Variants in DCLK1 observed in about 807,000 individuals in gnomAD.
The protein encoded by DCLK1 is serine/threonine-protein kinase DCLK1.
In DCLK1, 16 loss-of-function variants were observed where a neutral mutation model predicts 86.2. The ratio of observed to expected loss-of-function variants is 0.19; its 90% confidence interval spans 0.13 to 0.28. DCLK1 has a LOEUF of 0.28. Ranked by LOEUF, DCLK1 falls within the 10% of genes least tolerant of loss-of-function variation. The probability of loss-of-function intolerance (pLI) is 1.00; values close to 1 mark genes in which losing one functional copy is unlikely to be tolerated. For synonymous variants in DCLK1, 369 were observed against 370.5 expected (o/e 1.00, Z 0.05); for missense variants, 590 against 940.2 (o/e 0.63, Z 4.87).
At chr13:35,937,253 G>T (rs922252046) in intron 4 of DCLK1, among the ~76,000 whole-genome samples, 2 of 151,994 alleles carry the variant, frequency 1.3e-5, no homozygotes, top group Non-Finnish European at 2.9e-5. Context: ...GATTGCAGGC[G>T]TGAGCCACCG....
chr13:35,846,989 C>T (rs1318708250), intron 6 of DCLK1: 1 of 985,008 alleles, frequency 1.0e-6, no homozygotes, highest in African/African-American at 1.7e-5. Context: ...TATTTATGTT[C>T]CAACATTATA....
intron 3 of DCLK1, among the ~76,000 whole-genome samples, chr13:36,073,059 C>T (rs964296468): frequency 1.3e-5 from 2 of 152,168 alleles, no homozygotes; most frequent in African/African-American, 4.8e-5. Context: ...GTACCACTTA[C>T]AGCTACTACT....
At chr13:35,863,232 A>C (rs1871528757) in intron 5 of DCLK1, among the ~76,000 whole-genome samples, 1 of 152,238 alleles carries the variant, frequency 6.6e-6, no homozygotes, top group Non-Finnish European at 1.5e-5. Context: ...CATCCCCATC[A>C]TCAAGCAACA....
intron 9 of DCLK1, 117 bp from the exon 10 acceptor site, chr13:35,827,871 T>C (rs888081309): frequency 1.6e-5 from 20 of 1,287,086 alleles, no homozygotes; most frequent in Non-Finnish European, 2.0e-5. Context: ...TAAAATGTAA[T>C]AAGCCTGTCT....
In DCLK1 at chr13:36,131,096, G is replaced by A. The variant is rs1331288768; in HGVS notation, c.-20+18C>T. 1.3e-5 allele frequency: 2 copies of A among 150,746 alleles called. No homozygotes were observed. The highest frequency in any genetic ancestry group is 3.0e-5 in the Non-Finnish European group (2 of 67,476). The allele number at this position is 150,746 out of a possible 1,614,324, so 9.3% of individuals were successfully genotyped here. A position where few individuals can be genotyped will look rare whatever the true frequency, so the allele number is the denominator to read the frequency against. The stretch of plus-strand genomic sequence containing the variant: ...CCCTCCCCGCAGCTCCCGTCCCCAG[G>A]GAAGGCAAACCACGCACCGGTCCGC... On this transcript the variant is annotated intron_variant, in intron 1 of 16. Transcript: ENST00000360631.
Position 35,933,557 on chromosome 13 carries a change from A to C in DCLK1, c.823+13801T>G, listed in dbSNP as rs187223070. ...AAACCCCAATTCTTGACTTATGTGC[A>C]CCCGCAGGCTCAACACCATGTGGAA... On this transcript the variant is annotated intron_variant, in intron 4 of 16. Coordinates refer to ENST00000360631, the MANE Select transcript of DCLK1 (RefSeq NM_001330071.2). Among the ~76,000 whole-genome samples the C allele has an allele frequency of 6.6e-5, 10 of 152,276 alleles. No individual in the cohort carries two copies. The East Asian group carries it at 1.2e-3, about 18-fold the overall frequency.
At chr13:35,893,540 C>A (rs1009895377) in intron 4 of DCLK1, among the ~76,000 whole-genome samples, 1 of 152,138 alleles carries the variant, frequency 6.6e-6, no homozygotes, top group African/African-American at 2.4e-5. Context: ...TGACATGATG[C>A]CACAAGTGAA....
At chr13:35,907,794 C>A (rs1874768741) in intron 4 of DCLK1, among the ~76,000 whole-genome samples, 1 of 149,780 alleles carries the variant, frequency 6.7e-6, no homozygotes, top group African/African-American at 2.5e-5. Flanking sequence ...GTGAACTATC[C>A]TCAGACCCTC....
intron 3 of DCLK1, among the ~76,000 whole-genome samples, chr13:36,006,032 G>A (rs1171704927): frequency 6.6e-6 from 1 of 152,102 alleles, no homozygotes; most frequent in Non-Finnish European, 1.5e-5. Flanking sequence ...GGGGGAAAGA[G>A]GATGGAGAGC....
At chr13:35,859,253 A>G (rs1215463937) in intron 5 of DCLK1, among the ~76,000 whole-genome samples, 1 of 152,102 alleles carries the variant, frequency 6.6e-6, no homozygotes, top group Non-Finnish European at 1.5e-5. Flanking sequence ...AATCCACTAA[A>G]CTCTGAATTA....
intron 4 of DCLK1, among the ~76,000 whole-genome samples, chr13:35,911,485 G>C (rs1222220772): frequency 1.3e-5 from 2 of 152,096 alleles, no homozygotes; most frequent in Admixed American, 6.6e-5. Flanking sequence ...ATTTCTGTGA[G>C]GTTTCCTTTA....
intron 10 of DCLK1, among the ~76,000 whole-genome samples, chr13:35,825,332 C>G (rs957058366): frequency 6.6e-6 from 1 of 152,104 alleles, no homozygotes; most frequent in Non-Finnish European, 1.5e-5. Flanking sequence ...GAGATTAAAT[C>G]GAAGGGTATG....
At chr13:35,958,844 C>T (rs1878292433) in intron 3 of DCLK1, among the ~76,000 whole-genome samples, 1 of 152,174 alleles carries the variant, frequency 6.6e-6, no homozygotes. Flanking sequence ...GAGAAAGATG[C>T]TTGTTCTTCC....
intron 3 of DCLK1, among the ~76,000 whole-genome samples, chr13:36,092,356 A>T (rs1016754292): frequency 1.6e-4 from 25 of 152,192 alleles, no homozygotes; most frequent in African/African-American, 4.6e-4. Context: ...TGCTTAACAC[A>T]GTTCCTAGCA....
chr13:35,788,923 C>T (rs1439418615), intron 16 of DCLK1, among the ~76,000 whole-genome samples: 1 of 152,078 alleles, frequency 6.6e-6, no homozygotes, highest in Non-Finnish European at 1.5e-5. Flanking sequence ...TAAATTTTCT[C>T]TATGAAAATA....
chr13:35,845,903 A>G, intron 6 of DCLK1: 1 of 984,334 alleles, frequency 1.0e-6, no homozygotes, highest in Non-Finnish European at 1.2e-6. Context: ...CAACATAGGC[A>G]GTTTTTCCTG....
intron 3 of DCLK1, among the ~76,000 whole-genome samples, chr13:35,995,087 C>T (rs999006434): frequency 6.6e-6 from 1 of 152,190 alleles, no homozygotes; most frequent in African/African-American, 2.4e-5. Context: ...AAATTTTTGT[C>T]TAAGTGTTCT....
At chr13:36,079,589 G>A (rs1049908321) in intron 3 of DCLK1, among the ~76,000 whole-genome samples, 2 of 152,044 alleles carry the variant, frequency 1.3e-5, no homozygotes, top group Non-Finnish European at 2.9e-5. Flanking sequence ...CCAAGTTCGC[G>A]CCATTGCACT....
chr13:35,788,811 ATCTTT>A (rs374059873), intron 16 of DCLK1, among the ~76,000 whole-genome samples: 20 of 152,326 alleles, frequency 1.3e-4, no homozygotes, highest in East Asian at 3.9e-4. Flanking sequence ...TTAAAGGTGA[ATCTTT>A]TCTTTTCTTT....
Sources: gnomAD v4.1 joint callset for allele counts (sites outside exome capture counted in the v4.1 genomes callset) on GRCh38, gnomAD v4.1.1 for gene constraint, MANE v1.5 for transcripts, NCBI Gene and HGNC (gene_info 2026-07-23, HGNC 2026-07-21) for gene names.